Variants in ST7L observed in about 807,000 individuals in gnomAD.
ST7L encodes the protein suppression of tumorigenicity 7 like, also known as suppressor of tumorigenicity 7 protein-like.
Under a neutral mutation model 72.5 loss-of-function variants are expected in ST7L, and 57 were observed. That is an observed-to-expected ratio of 0.79 (90% CI 0.64 to 0.98). The LOEUF (loss-of-function observed/expected upper bound fraction) is 0.98. Ranked by LOEUF, ST7L falls within the 50% of genes least tolerant of loss-of-function variation. The pLI, the probability that ST7L is intolerant of heterozygous loss-of-function variation, is 0.00. For synonymous variants in ST7L, 221 were observed against 240.9 expected (o/e 0.92, Z 0.77); for missense variants, 576 against 672.2 (o/e 0.86, Z 1.58).
intron 13 of ST7L, among the ~76,000 whole-genome samples, chr1:112,546,440 A>G (rs1452607672): frequency 6.6e-6 from 1 of 151,986 alleles, no homozygotes; most frequent in Non-Finnish European, 1.5e-5. Context: ...GTTTGGCCAC[A>G]TGGTTGTCTA....
At chr1:112,576,959 T>C (rs1663196957) in intron 11 of ST7L, 27 bp downstream of exon 11, 3 of 1,475,700 alleles carry the variant, frequency 2.0e-6, no homozygotes, top group Admixed American at 1.8e-5. Flanking sequence ...TAAATAAAGG[T>C]AGTATTTTTA....
rs1015125218 is a variant in ST7L at position 112,546,402 on chromosome 1, T to C, written c.1489+4199A>G. Among the ~76,000 whole-genome samples, 9 of 150,808 alleles carry C rather than the reference T, an allele frequency of 6.0e-5. No individual in the cohort carries two copies. In the South Asian group the frequency reaches 1.3e-3, roughly 21 times the overall value. ...GTATTGTCTGCCTGAACTCATGACA[T>C]GTAAATAGAGGGCTGTAGGGGCCTC... On this transcript the variant is annotated intron_variant, in intron 13 of 14. Coordinates refer to ENST00000358039, the MANE Select transcript of ST7L (RefSeq NM_017744.5).
At chr1:112,618,712 C>G (rs994347007) in intron 1 of ST7L, 197 bp downstream of exon 1, 7 of 1,208,792 alleles carry the variant, frequency 5.8e-6, no homozygotes, top group Non-Finnish European at 7.9e-6. Context: ...AAGAGTTCTA[C>G]GGAGGAGCCG....
chr1:112,617,682 G>A (rs1670081792), intron 1 of ST7L, among the ~76,000 whole-genome samples: 1 of 151,234 alleles, frequency 6.6e-6, no homozygotes, highest in Non-Finnish European at 1.5e-5. Context: ...TTCAGCCTGG[G>A]TGACAAAGGG....
chr1:112,553,376 G>A (rs2101579532), intron 12 of ST7L, among the ~76,000 whole-genome samples: 1 of 152,122 alleles, frequency 6.6e-6, no homozygotes, highest in South Asian at 2.1e-4. Context: ...CACAACACTT[G>A]GCTCATCAAT....
intron 11 of ST7L, among the ~76,000 whole-genome samples, chr1:112,562,047 G>A (rs1344900461): frequency 6.7e-6 from 1 of 150,010 alleles, no homozygotes; most frequent in Non-Finnish European, 1.5e-5. Flanking sequence ...GCTCACTGCA[G>A]CCTCGACCTC....
chr1:112,586,220 T>G (rs1195511173), intron 6 of ST7L, among the ~76,000 whole-genome samples: 2 of 152,176 alleles, frequency 1.3e-5, no homozygotes, highest in Non-Finnish European at 2.9e-5. Context: ...TTGAGGCCAG[T>G]AGTTCGAGAC....
intron 14 of ST7L, chr1:112,526,326 T>TCTGGCTC: frequency 4.1e-6 from 2 of 484,496 alleles, no homozygotes; most frequent in Non-Finnish European, 7.1e-6. Context: ...GGCTCCTAAT[T>TCTGGCTC]CTACTCCTTT....
At chr1:112,574,345 T>G (rs1479219571) in intron 11 of ST7L, among the ~76,000 whole-genome samples, 1 of 149,450 alleles carries the variant, frequency 6.7e-6, no homozygotes, top group East Asian at 2.0e-4. Flanking sequence ...GCCTCTCGAA[T>G]AGCTGAAGAG....
chr1:112,546,025 T>G (rs1469178671), intron 13 of ST7L, among the ~76,000 whole-genome samples: 1 of 151,944 alleles, frequency 6.6e-6, no homozygotes, highest in African/African-American at 2.4e-5. Flanking sequence ...CTCCCAGAAG[T>G]TTTAGAAGTG....
chr1:112,601,776 G>A (rs1667429318), intron 3 of ST7L, among the ~76,000 whole-genome samples: 1 of 151,728 alleles, frequency 6.6e-6, no homozygotes, highest in African/African-American at 2.4e-5. Flanking sequence ...TGTAAATGGG[G>A]TTAGAAAATA....
At chr1:112,569,909 G>A (rs1557995661) in intron 11 of ST7L, among the ~76,000 whole-genome samples, 1 of 135,612 alleles carries the variant, frequency 7.4e-6, no homozygotes, top group Non-Finnish European at 1.5e-5. Context: ...AGTGAGCCGA[G>A]ATAGCACCAC....
intron 11 of ST7L, among the ~76,000 whole-genome samples, chr1:112,576,497 T>C (rs1663132255): frequency 6.6e-6 from 1 of 152,152 alleles, no homozygotes; most frequent in South Asian, 2.1e-4. Flanking sequence ...ATAGACTCAT[T>C]GGGGACGAAA....
chr1:112,520,500 C>A, downstream of ST7L: 2 of 1,613,996 alleles, frequency 1.2e-6, no homozygotes, highest in Non-Finnish European at 1.7e-6. Flanking sequence ...AGTGGCTGGA[C>A]CAAACCTGAA....
chr1:112,561,113 C>T (rs1660051037), intron 11 of ST7L, among the ~76,000 whole-genome samples: 1 of 151,810 alleles, frequency 6.6e-6, no homozygotes, highest in Non-Finnish European at 1.5e-5. Context: ...AACTCTGCTA[C>T]CCAGACTTTA....
chr1:112,526,146 C>A, intron 14 of ST7L, 35 bp from the exon 15 acceptor site: 3 of 1,613,514 alleles, frequency 1.9e-6, no homozygotes, highest in Non-Finnish European at 2.5e-6. Context: ...ATGTTCAAGC[C>A]CTGTAGGAGT....
At position 112,524,145 on chromosome 1, in the gene ST7L, G is replaced by A. The variant is rs760378258; in HGVS notation, c.*1868C>T. On this transcript the variant is annotated 3_prime_UTR_variant, in exon 15 of 15. Coordinates refer to ENST00000358039, the MANE Select transcript of ST7L (RefSeq NM_017744.5). ...TGCAGGGAGTAATTTCTTCTCCTTT[G>A]TCTCACTTCCCTTATCAAGAACACC... 7 of 152,360 alleles carry A rather than the reference G, an allele frequency of 4.6e-5. No individual in the cohort carries two copies. The highest frequency in any genetic ancestry group is 1.0e-4 in the Non-Finnish European group (7 of 68,026). 9.4% of individuals were successfully genotyped at this position (152,360 alleles called of 1,614,324 possible).
chr1:112,583,986 T>G lies in ST7L; in HGVS notation c.842A>C (p.His281Pro). The G allele has an allele frequency of 6.2e-7, 1 of 1,614,006 alleles. No individual in the cohort carries two copies. The highest frequency in any genetic ancestry group is 8.5e-7 in the Non-Finnish European group (1 of 1,179,962). ...AACTTGCTTACTCAGTTGAGCTTCATGCTGAGGACTTTGGTGCTGGCACTG... is the reference window on the plus strand; with the variant it reads ...AACTTGCTTACTCAGTTGAGCTTCAGGCTGAGGACTTTGGTGCTGGCACTG... The part of the protein sequence containing the change: ...SQQCQHQSPQ[H>P]EAQLRRDTNV... Residue 281 changes from histidine (H) to proline (P), a missense_variant, in exon 7 of 15, where the codon CAT (histidine) becomes CCT (proline). By Grantham distance (77) the His-to-Pro change is moderately conservative. Coordinates refer to ENST00000358039, the MANE Select transcript of ST7L (RefSeq NM_017744.5).
chr1:112,595,564 G>GC (rs1453811994), intron 5 of ST7L, among the ~76,000 whole-genome samples: 1 of 151,910 alleles, frequency 6.6e-6, no homozygotes, highest in African/African-American at 2.4e-5. Context: ...GGGACTACAG[G>GC]CATGTACCAC....
Sources: gnomAD v4.1 joint callset for allele counts (sites outside exome capture counted in the v4.1 genomes callset) on GRCh38, gnomAD v4.1.1 for gene constraint, MANE v1.5 for transcripts, NCBI Gene and HGNC (gene_info 2026-07-23, HGNC 2026-07-21) for gene names.